Variants in KNL1 observed in about 807,000 individuals in gnomAD.
The protein encoded by KNL1 is outer kinetochore KNL1 complex subunit KNL1.
A neutral mutation model predicts 201.3 loss-of-function variants in KNL1; 66 were observed. The observed-to-expected ratio is 0.33, with a 90% CI of 0.27 to 0.40. The LOEUF is 0.40. Ranked by LOEUF, KNL1 falls within the 10% of genes least tolerant of loss-of-function variation. The pLI is 1.00. For synonymous variants in KNL1, 895 were observed against 899.2 expected (o/e 1.00, Z 0.08); for missense variants, 2,815 against 2,690.5 (o/e 1.05, Z -1.02).
In KNL1 at chr15:40,621,191, T is replaced by C; in HGVS notation, c.927T>C (p.Asn309=). The C allele has an allele frequency of 6.2e-7, 1 of 1,612,554 alleles. No individual in the cohort carries two copies. The highest frequency in any genetic ancestry group is 8.5e-7 in the Non-Finnish European group (1 of 1,179,084). ...SETNSRESKG[N]DITIYGNDFM... is the part of the protein sequence containing the mutation. ...CCAACTCACGGGAATCTAAAGGTAA[T>C]GATATTACAATTTATGGCAATGACT... The change falls in exon 10 of 26, where the codon AAT becomes AAC. Residue 309 remains asparagine, a synonymous_variant. Transcript: ENST00000399668.
chr15:40,603,773 G>T (rs148250023), intron 2 of KNL1, among the ~76,000 whole-genome samples: 120 of 152,308 alleles, frequency 7.9e-4, no homozygotes, highest in Non-Finnish European at 1.4e-3. Flanking sequence ...GCAGAGCAGG[G>T]CTACTCTGTA....
In KNL1 at chr15:40,610,191, A is replaced by C. The variant is rs1249922319; in HGVS notation, c.198-54A>C. 5.1e-6 allele frequency: 5 copies of C among 971,292 alleles called. No individual in the cohort carries two copies. The African/African-American group carries it at 8.1e-5, about 16-fold the overall frequency. The allele number at this position is 971,292 out of a possible 1,614,324, so 60.2% of individuals were successfully genotyped here. A position where few individuals can be genotyped will look rare whatever the true frequency, so the allele number is the denominator to read the frequency against. On this transcript the variant is annotated intron_variant, in intron 5 of 25. Transcript: ENST00000399668. ...CAACACAGACTATAAATCAACACCA[A>C]AAGATAATGATTACAAATTGCAGGT...
At chr15:40,660,664 C>A (rs369326222) in intron 25 of KNL1, among the ~76,000 whole-genome samples, 345 of 88,684 alleles carry the variant, frequency 3.9e-3, no homozygotes, top group East Asian at 8.7e-3. Context: ...AACTCCGTCT[C>A]AAAAAAAAAA....
chr15:40,623,009 G>A lies in KNL1; in HGVS notation c.2745G>A (p.Glu915=). The A allele has an allele frequency of 6.2e-7, 1 of 1,613,938 alleles. No homozygotes were observed. Among genetic ancestry groups the A allele is most frequent in the Non-Finnish European group, 8.5e-7 (1 of 1,179,860 alleles). ...ATACATGTAGGCAGGATGACATGGA[G>A]ATCACTAGAAGTCACACAACTGCCT... ...ILYTCRQDDM[E]ITRSHTTALE... Residue 915 remains glutamate (E), a synonymous_variant, in exon 10 of 26, where the codon GAG becomes GAA. Transcript: ENST00000399668.
At chr15:40,602,479 C>CGTGTTT (rs1566998543) in intron 1 of KNL1, among the ~76,000 whole-genome samples, 1 of 104,188 alleles carries the variant, frequency 9.6e-6, no homozygotes, top group African/African-American at 3.5e-5. Context: ...TTTTTTCCTT[C>CGTGTTT]CTTTTTTTTT....
chr15:40,618,014 A>AAAAAG, intron 8 of KNL1, among the ~76,000 whole-genome samples: 1 of 111,080 alleles, frequency 9.0e-6, no homozygotes, highest in Admixed American at 1.0e-4. Context: ...AAAAAAAAAA[A>AAAAAG]GCTTATAATT....
intron 22 of KNL1, among the ~76,000 whole-genome samples, chr15:40,656,089 C>T (rs1893723190): frequency 6.6e-6 from 1 of 152,030 alleles, no homozygotes; most frequent in Admixed American, 6.6e-5. Context: ...TAGGAAACTA[C>T]AGATCAAAAA....
chr15:40,610,245 G>T lies in KNL1; in HGVS notation c.198G>T (p.Lys66Asn). 6.8e-7 allele frequency: 1 copy of T among 1,460,946 alleles called. No homozygotes were observed. The highest frequency in any genetic ancestry group is 1.7e-4 in the Middle Eastern group (1 of 5,744). 90.5% of individuals were successfully genotyped at this position (1,460,946 alleles called of 1,614,324 possible). A position where few individuals can be genotyped will look rare whatever the true frequency, so the allele number is the denominator to read the frequency against. The stretch of plus-strand genomic sequence containing the variant: ...CAATAATCTTTATTTTCTCTTCTAG[G>T]GTATTCCAGACGGAGTCTCATATGA... ...SRRVSFADTI[K>N]VFQTESHMKI... is the part of the protein sequence containing the mutation. Residue 66 changes from lysine to asparagine, a missense_variant and splice_region_variant, in exon 6 of 26, where the codon AAG (lysine) becomes AAT (asparagine). Coordinates refer to ENST00000399668, the MANE Select transcript of KNL1 (RefSeq NM_144508.5).
At chr15:40,661,826 A>G (rs923036970) in intron 25 of KNL1, among the ~76,000 whole-genome samples, 1 of 151,988 alleles carries the variant, frequency 6.6e-6, no homozygotes, top group Non-Finnish European at 1.5e-5. Context: ...GTGGATCACA[A>G]GGCCAGGAGA....
chr15:40,621,715 T>A lies in KNL1; in HGVS notation c.1451T>A (p.Met484Lys). 1 of 1,612,730 alleles carries A rather than the reference T, an allele frequency of 6.2e-7. No individual in the cohort carries two copies. Among genetic ancestry groups the A allele is most frequent in the Non-Finnish European group, 8.5e-7 (1 of 1,178,904 alleles). ...EKTIYSGEEN[M>K]DITKSHTVAI... Reference sequence around the variant, plus strand: ...ACTATTTATTCCGGAGAGGAGAACATGGACATTACCAAGAGTCATACAGTT... The same window carrying A: ...ACTATTTATTCCGGAGAGGAGAACAAGGACATTACCAAGAGTCATACAGTT... Residue 484 changes from methionine (M) to lysine (K), a missense_variant, in exon 10 of 26, where the codon ATG (methionine) becomes AAG (lysine). Physicochemically the swap from Met to Lys is moderately conservative, Grantham distance 95. This residue lies in a region of KNL1 where 2,464 missense variants were observed against 2,291.7 expected (regional missense o/e 1.08). Transcript: ENST00000399668.
chr15:40,596,603 T>TACG (rs1331155421), intron 1 of KNL1, among the ~76,000 whole-genome samples: 1 of 151,982 alleles, frequency 6.6e-6, no homozygotes, highest in Non-Finnish European at 1.5e-5. Flanking sequence ...TAATCACACT[T>TACG]ACTGATTGGA....
intron 22 of KNL1, among the ~76,000 whole-genome samples, chr15:40,655,574 G>C (rs1184480243): frequency 8.6e-6 from 1 of 116,370 alleles, no homozygotes; most frequent in African/African-American, 3.4e-5. Context: ...CTGGGTGACA[G>C]AGCAAGGCTC....
intron 4 of KNL1, among the ~76,000 whole-genome samples, chr15:40,608,452 AAAAG>A (rs1892045905): frequency 6.6e-6 from 1 of 151,278 alleles, no homozygotes; most frequent in South Asian, 2.1e-4. Context: ...AAAAAAAAAA[AAAAG>A]ACTTGTCTGG....
intron 10 of KNL1, among the ~76,000 whole-genome samples, chr15:40,627,463 G>A (rs995199665): frequency 1.3e-5 from 2 of 150,462 alleles, no homozygotes; most frequent in African/African-American, 4.9e-5. Flanking sequence ...GCAGTGAGCC[G>A]AGATCACGCC....
In KNL1 at chr15:40,659,364, G is replaced by A. The variant is rs761149870; in HGVS notation, c.6739G>A (p.Ala2247Thr). Residue 2247 changes from alanine (A) to threonine (T), a missense_variant, in exon 25 of 26, where the codon GCA (alanine) becomes ACA (threonine). Transcript: ENST00000399668. ...NELRLLFSSS[A>T]AFAKFEITLF... ...ATTGAGACTTTTATTCTCTAGCTCC[G>A]CAGCATTTGCAAAGTTTGAAATAAC... is the stretch of plus-strand genomic sequence containing the variant. The A allele has an allele frequency of 1.3e-5, 21 of 1,612,490 alleles. No individual in the cohort carries two copies. Among genetic ancestry groups the A allele is most frequent in the Middle Eastern group, 1.7e-4 (1 of 6,052 alleles).
chr15:40,608,954 T>A (rs1892068024), intron 5 of KNL1, 46 bp downstream of exon 5: 1 of 1,333,138 alleles, frequency 7.5e-7, no homozygotes, highest in Non-Finnish European at 1.1e-6. Flanking sequence ...GTACTGGTAT[T>A]TTGTGTATCA....
Position 40,618,160 on chromosome 15 carries a change from A to G in KNL1, c.323-799A>G, listed in dbSNP as rs146630437. On this transcript the variant is annotated intron_variant, in intron 8 of 25. Transcript: ENST00000399668. Reference sequence around the variant, plus strand: ...CCTTTTGAATCCCTTCCTTATTTACAAAGTCTGATTTGTAGTTCTAAAATA... The same window carrying G: ...CCTTTTGAATCCCTTCCTTATTTACGAAGTCTGATTTGTAGTTCTAAAATA... Among the ~76,000 whole-genome samples, 6 of 151,988 alleles carry G rather than the reference A, an allele frequency of 3.9e-5. No individual in the cohort carries two copies. The East Asian group carries it at 1.2e-3, about 29-fold the overall frequency.
chr15:40,632,526 C>T (rs938963733), intron 13 of KNL1, among the ~76,000 whole-genome samples: 2 of 151,756 alleles, frequency 1.3e-5, no homozygotes, highest in East Asian at 1.9e-4. Context: ...GACTTGAGCC[C>T]AACAGGCAGA....
chr15:40,634,406 G>A (rs895784141), intron 13 of KNL1, among the ~76,000 whole-genome samples: 7 of 152,214 alleles, frequency 4.6e-5, no homozygotes, highest in Non-Finnish European at 5.9e-5. Flanking sequence ...CGCCTGGTGC[G>A]TGAATATACT....
Sources: gnomAD v4.1 joint callset for allele counts (sites outside exome capture counted in the v4.1 genomes callset) on GRCh38, gnomAD v4.1.1 for gene constraint, gnomAD v4.1.1 regional missense constraint, MANE v1.5 for transcripts, NCBI Gene and HGNC (gene_info 2026-07-23, HGNC 2026-07-21) for gene names.